UBAC2: variants seen among roughly 807,000 people sequenced by gnomAD.
The protein encoded by UBAC2 is UBA domain containing 2, also known as ubiquitin-associated domain-containing protein 2.
In UBAC2, 26 loss-of-function variants were observed where a neutral mutation model predicts 44.0. The ratio of observed to expected loss-of-function variants is 0.59; its 90% CI spans 0.43 to 0.82. The LOEUF (loss-of-function observed/expected upper bound fraction) is 0.82, where lower values mean the gene tolerates loss of function less well. UBAC2 is among the 40% of genes least tolerant of loss of function. The probability of loss-of-function intolerance (pLI) is 0.00; values close to 1 mark genes in which losing one functional copy is unlikely to be tolerated. For missense variants in UBAC2, 329 were observed against 419.4 expected (o/e 0.78, Z 1.88); for synonymous variants, 155 against 154.3 (o/e 1.00, Z -0.04).
In UBAC2 at chr13:99,384,225, C is replaced by T. The variant is rs574247745; in HGVS notation, c.928-1003C>T. On this transcript the variant is annotated intron_variant, in intron 8 of 8. Coordinates refer to ENST00000403766, the MANE Select transcript of UBAC2 (RefSeq NM_001144072.2). ...ACTCTGACTAAGTCCTCAGGTGAAC[C>T]CACAAAAGCCTCTTTAATGCGCAAG... 1.1e-3 allele frequency among the ~76,000 whole-genome samples: 162 copies of T among 152,252 alleles called. 1 individual carries two copies. Among genetic ancestry groups the T allele is most frequent in the African/African-American group, 3.5e-3 (145 of 41,536 alleles).
intron 7 of UBAC2, 67 bp downstream of exon 7, chr13:99,340,632 G>A (rs2044871900): frequency 6.6e-7 from 1 of 1,520,800 alleles, no homozygotes; most frequent in African/African-American, 1.4e-5. Context: ...TTTCCTCTGT[G>A]ATTGCATGTG....
chr13:99,286,255 C>A (rs994592399), intron 4 of UBAC2, among the ~76,000 whole-genome samples: 4 of 152,192 alleles, frequency 2.6e-5, no homozygotes, highest in African/African-American at 9.7e-5. Flanking sequence ...TATTTGACTT[C>A]AAATGTATAT....
chr13:99,364,591 A>G (rs1053073479), intron 7 of UBAC2, among the ~76,000 whole-genome samples: 1 of 152,138 alleles, frequency 6.6e-6, no homozygotes, highest in Non-Finnish European at 1.5e-5. Flanking sequence ...ATAAGGAGTC[A>G]TTAAAGATTT....
chr13:99,318,180 T>G lies in UBAC2; in HGVS notation c.561+111T>G, dbSNP rs983378137. The G allele has an allele frequency of 2.8e-6, 3 of 1,079,918 alleles. No individual in the cohort carries two copies. The African/African-American group carries it at 4.8e-5, about 17-fold the overall frequency. 66.9% of individuals were successfully genotyped at this position (1,079,918 alleles called of 1,614,324 possible). A position where few individuals can be genotyped will look rare whatever the true frequency, so the allele number is the denominator to read the frequency against. On this transcript the variant is annotated intron_variant, in intron 6 of 8. Transcript: ENST00000403766. ...TATTCAACTGTCTCACCATTCTTTTTTTTTGAGACAGAATTTCACTCTTGT... is the reference window on the plus strand; with the variant it reads ...TATTCAACTGTCTCACCATTCTTTTGTTTTGAGACAGAATTTCACTCTTGT...
At chr13:99,330,457 T>TAAAAA (rs2082826763) in intron 6 of UBAC2, among the ~76,000 whole-genome samples, 1 of 1,276 alleles carries the variant, frequency 7.8e-4, no homozygotes, top group African/African-American at 1.1e-3. Context: ...AGACGTCATC[T>TAAAAA]CAAAAAAAAA....
intron 6 of UBAC2, among the ~76,000 whole-genome samples, chr13:99,332,521 G>C (rs72649582): frequency 1.3e-5 from 2 of 152,088 alleles, no homozygotes; most frequent in African/African-American, 4.8e-5. Context: ...ATGGGGGGCT[G>C]CTCCCTCTGA....
At chr13:99,345,741 C>A (rs201953194) in intron 7 of UBAC2, among the ~76,000 whole-genome samples, 1 of 130,930 alleles carries the variant, frequency 7.6e-6, no homozygotes, top group Admixed American at 7.7e-5. Flanking sequence ...TTTTTTCTTT[C>A]TTTTTTTTTT....
chr13:99,285,848 T>A (rs928814428), intron 4 of UBAC2, among the ~76,000 whole-genome samples: 7 of 152,158 alleles, frequency 4.6e-5, no homozygotes, highest in Non-Finnish European at 1.0e-4. Context: ...TTGAATTCAG[T>A]ATGAGCCAAG....
At chr13:99,359,136 C>T (rs1057094277) in intron 7 of UBAC2, among the ~76,000 whole-genome samples, 2 of 152,092 alleles carry the variant, frequency 1.3e-5, no homozygotes, top group African/African-American at 4.8e-5. Context: ...AGAAAGAAAG[C>T]GGGATGCCAC....
chr13:99,365,095 T>G (rs2045313578), intron 7 of UBAC2, among the ~76,000 whole-genome samples: 1 of 152,224 alleles, frequency 6.6e-6, no homozygotes, highest in South Asian at 2.1e-4. Flanking sequence ...AAGTTGTCTT[T>G]CATCAAAGTT....
At chr13:99,254,575 A>G (rs535458557) in intron 4 of UBAC2, 21 of 203,034 alleles carry the variant, frequency 1.0e-4, no homozygotes, top group Non-Finnish European at 1.9e-4. Flanking sequence ...ATTTAATCAA[A>G]TTATTTTGTA....
At chr13:99,257,770 A>G (rs968588260) in intron 4 of UBAC2, among the ~76,000 whole-genome samples, 1 of 152,244 alleles carries the variant, frequency 6.6e-6, no homozygotes, top group Non-Finnish European at 1.5e-5. Flanking sequence ...ACATTCCTAA[A>G]TATACATATG....
In UBAC2 at chr13:99,373,188, T is replaced by A. The variant is rs572647276; in HGVS notation, c.927+5282T>A. Among the ~76,000 whole-genome samples the A allele has an allele frequency of 4.8e-3, 595 of 123,214 alleles. 5 individuals are homozygous for A. The highest frequency in any genetic ancestry group is 0.016 in the African/African-American group (553 of 35,558). 80.8% of individuals were successfully genotyped at this position (123,214 alleles called of 152,430 possible). A position where few individuals can be genotyped will look rare whatever the true frequency, so the allele number is the denominator to read the frequency against. ...TTTTTATTGTTTTTTTTTTTTTTTT[T>A]AAACAGGTATCTTTATACTACTATG... On this transcript the variant is annotated intron_variant, in intron 8 of 8. Transcript: ENST00000403766.
In UBAC2 at chr13:99,385,245, G is replaced by A. The variant is rs770387531; in HGVS notation, c.945G>A (p.Glu315=). The A allele has an allele frequency of 1.9e-6, 3 of 1,614,192 alleles. No homozygotes were observed. The highest frequency in any genetic ancestry group is 2.5e-6 in the Non-Finnish European group (3 of 1,180,040). ...VSEEQVARLM[E]MGFSRGDALE... ...GCCTGCAGGTCGCCCGGCTCATGGA[G>A]ATGGGATTTTCCAGAGGTGATGCTT... The change falls in exon 9 of 9, where the codon GAG becomes GAA. Residue 315 remains glutamate, a synonymous_variant. Transcript: ENST00000403766.
intron 4 of UBAC2, among the ~76,000 whole-genome samples, chr13:99,253,659 A>G (rs1480281433): frequency 6.6e-6 from 1 of 152,100 alleles, no homozygotes; most frequent in African/African-American, 2.4e-5. Flanking sequence ...GATTACAGGA[A>G]CCTGCCATCA....
intron 1 of UBAC2, among the ~76,000 whole-genome samples, chr13:99,237,703 C>G (rs1217834610): frequency 6.6e-6 from 1 of 152,190 alleles, no homozygotes; most frequent in Non-Finnish European, 1.5e-5. Flanking sequence ...GCCTGTAATC[C>G]CAGCACTTTG....
At chr13:99,366,615 G>A (rs978767345) in intron 7 of UBAC2, among the ~76,000 whole-genome samples, 1 of 123,066 alleles carries the variant, frequency 8.1e-6, no homozygotes, top group African/African-American at 2.6e-5. Context: ...GGGAAGACAG[G>A]CTTTTTAGTT....
intron 6 of UBAC2, among the ~76,000 whole-genome samples, chr13:99,339,420 A>G (rs1490028486): frequency 6.6e-6 from 1 of 152,210 alleles, no homozygotes; most frequent in Non-Finnish European, 1.5e-5. Flanking sequence ...ATTGACTGCT[A>G]TAAGCCCTGT....
chr13:99,215,612 T>A, intron 1 of UBAC2: 1 of 1,312,376 alleles, frequency 7.6e-7, no homozygotes, highest in Non-Finnish European at 1.1e-6. Context: ...CAGCGGCAGT[T>A]GCACCCACAT....
Sources: gnomAD v4.1 joint callset for allele counts (sites outside exome capture counted in the v4.1 genomes callset) on GRCh38, gnomAD v4.1.1 for gene constraint, MANE v1.5 for transcripts, NCBI Gene and HGNC (gene_info 2026-07-23, HGNC 2026-07-21) for gene names.